The following SAMSN1 variants were observed in gnomAD, a reference collection of about 807,000 sequenced individuals.
SAMSN1 encodes SAM domain-containing protein SAMSN-1.
Under a neutral mutation model 42.0 loss-of-function variants are expected in SAMSN1, and 31 were observed. The ratio of observed to expected loss-of-function variants is 0.74; its 90% confidence interval spans 0.55 to 1.00. The LOEUF (loss-of-function observed/expected upper bound fraction) is 1.00. SAMSN1 is among the 50% of genes least tolerant of loss of function. SAMSN1 has a pLI of 0.00. For missense variants in SAMSN1, 464 were observed against 439.4 expected, an observed-to-expected ratio of 1.06 and a Z score of -0.50; for synonymous variants, 178 against 151.9, an observed-to-expected ratio of 1.17 and a Z score of -1.26.
chr21:14,577,478 T>G (rs1981545308), intron 2 of SAMSN1, among the ~76,000 whole-genome samples: 1 of 151,340 alleles, frequency 6.6e-6, no homozygotes, highest in South Asian at 2.1e-4. Context: ...TCCCAGATTT[T>G]GAAAAATATA....
At chr21:14,509,879 C>T (rs1987602014) in intron 5 of SAMSN1, among the ~76,000 whole-genome samples, 1 of 152,200 alleles carries the variant, frequency 6.6e-6, no homozygotes, top group Non-Finnish European at 1.5e-5. Flanking sequence ...GTGGCTCACG[C>T]CTGTAATCCC....
At chr21:14,512,999 A>C (rs1304438196) in intron 3 of SAMSN1, among the ~76,000 whole-genome samples, 5 of 152,198 alleles carry the variant, frequency 3.3e-5, no homozygotes, top group South Asian at 2.1e-4. Context: ...TAGTTGTTTC[A>C]TGTCAGTTAT....
intron 7 of SAMSN1, among the ~76,000 whole-genome samples, chr21:14,489,275 G>A (rs953227434): frequency 2.0e-5 from 3 of 152,048 alleles, no homozygotes; most frequent in African/African-American, 7.2e-5. Context: ...ACAAAATTAT[G>A]GACTTCCCAT....
At chr21:14,616,185 GT>G (rs1463373017) in intron 2 of SAMSN1, among the ~76,000 whole-genome samples, 7 of 152,046 alleles carry the variant, frequency 4.6e-5, no homozygotes, top group African/African-American at 1.7e-4. Flanking sequence ...TTGTATTTTA[GT>G]AATGTGTCAC....
chr21:14,568,113 C>G (rs1210480098), intron 2 of SAMSN1, among the ~76,000 whole-genome samples: 1 of 152,084 alleles, frequency 6.6e-6, no homozygotes, highest in South Asian at 2.1e-4. Flanking sequence ...AATCATGGAA[C>G]CACACATTGG....
intron 1 of SAMSN1, among the ~76,000 whole-genome samples, chr21:14,543,346 G>C (rs917603120): frequency 5.3e-5 from 8 of 151,760 alleles, no homozygotes; most frequent in African/African-American, 1.7e-4. Flanking sequence ...TGAAAAAGAG[G>C]GTACACTAAT....
intron 1 of SAMSN1, among the ~76,000 whole-genome samples, chr21:14,543,812 T>A (rs1193915833): frequency 2.6e-5 from 4 of 152,190 alleles, no homozygotes; most frequent in African/African-American, 9.7e-5. Context: ...TCACAAATTC[T>A]AAGAGTATAG....
chr21:14,531,555 C>A (rs1227212892), intron 1 of SAMSN1, among the ~76,000 whole-genome samples: 1 of 151,674 alleles, frequency 6.6e-6, no homozygotes, highest in East Asian at 1.9e-4. Flanking sequence ...ATGTGCAGTA[C>A]TTTTAAGCCC....
intron 2 of SAMSN1, among the ~76,000 whole-genome samples, chr21:14,621,856 T>C (rs1054420447): frequency 1.8e-4 from 27 of 152,286 alleles, no homozygotes; most frequent in African/African-American, 6.3e-4. Flanking sequence ...TCGAGTAGCC[T>C]AACTAGGAGG....
intron 1 of SAMSN1, among the ~76,000 whole-genome samples, chr21:14,648,417 A>G (rs964422432): frequency 6.6e-6 from 1 of 152,198 alleles, no homozygotes; most frequent in East Asian, 1.9e-4. Context: ...AAATTGACAA[A>G]TGGGATCTAA....
chr21:14,625,316 T>TA (rs1983137182), intron 2 of SAMSN1, among the ~76,000 whole-genome samples: 1 of 152,006 alleles, frequency 6.6e-6, no homozygotes, highest in South Asian at 2.1e-4. Flanking sequence ...GGTATTCAAT[T>TA]AGGAAAAGAG....
chr21:14,540,831 C>T (rs1346755880), intron 1 of SAMSN1, among the ~76,000 whole-genome samples: 1 of 152,180 alleles, frequency 6.6e-6, no homozygotes, highest in Non-Finnish European at 1.5e-5. Context: ...GACACATGCA[C>T]ATGTATGTTT....
At chr21:14,600,234 C>A (rs1219358521) in intron 6 of SAMSN1, among the ~76,000 whole-genome samples, 1 of 152,190 alleles carries the variant, frequency 6.6e-6, no homozygotes, top group Non-Finnish European at 1.5e-5. Context: ...CAGTGGCTGC[C>A]TCTCTTCCCC....
rs148154160 is a variant in SAMSN1, at chr21:14,589,461, C to T, written c.465+4552G>A. Among the ~76,000 whole-genome samples, 116 of 151,768 alleles carry T rather than the reference C, an allele frequency of 7.6e-4. 1 individual carries two copies. In the South Asian group the frequency reaches 9.2e-3, roughly 12 times the overall value. Reference sequence around the variant, plus strand: ...GAATTTATTTGGAGGTTAAATATGGCTTTCCAAAACAGAGGATAAGTATCA... The same window carrying T: ...GAATTTATTTGGAGGTTAAATATGGTTTTCCAAAACAGAGGATAAGTATCA... On this transcript the variant is annotated intron_variant, in intron 7 of 15. Transcript: ENST00000647101.
intron 1 of SAMSN1, among the ~76,000 whole-genome samples, chr21:14,523,758 G>T (rs567191589): frequency 6.6e-6 from 1 of 152,228 alleles, no homozygotes; most frequent in Non-Finnish European, 1.5e-5. Flanking sequence ...GGGTCCTGTT[G>T]CACAGGAGGG....
chr21:14,587,770 A>ATTT (rs1981965381), upstream of SAMSN1, among the ~76,000 whole-genome samples: 2 of 150,948 alleles, frequency 1.3e-5, no homozygotes, highest in South Asian at 2.1e-4. Flanking sequence ...TTTATTTTTT[A>ATTT]AATTTTTTTT....
intron 3 of SAMSN1, among the ~76,000 whole-genome samples, chr21:14,515,095 T>G (rs1027619797): frequency 6.6e-6 from 1 of 152,086 alleles, no homozygotes; most frequent in Non-Finnish European, 1.5e-5. Context: ...GTGGATGTTT[T>G]ATATGTAAGG....
chr21:14,562,391 T>A (rs1980974293), intron 2 of SAMSN1, among the ~76,000 whole-genome samples: 1 of 152,096 alleles, frequency 6.6e-6, no homozygotes, highest in Non-Finnish European at 1.5e-5. Flanking sequence ...TCCAACATGT[T>A]ATATTAGAGC....
At chr21:14,554,343 A>T (rs1051237316) in intron 2 of SAMSN1, among the ~76,000 whole-genome samples, 1 of 152,152 alleles carries the variant, frequency 6.6e-6, no homozygotes, top group African/African-American at 2.4e-5. Context: ...AGATATTGCT[A>T]TGAGAATGAA....
Sources: allele counts gnomAD v4.1 joint callset (sites outside exome capture counted in the v4.1 genomes callset), GRCh38; gene constraint gnomAD v4.1.1; transcripts MANE v1.5; gene names NCBI Gene and HGNC (gene_info 2026-07-23, HGNC 2026-07-21).